The following OPTN variants were observed in gnomAD, a reference collection of about 807,000 sequenced individuals.
The protein encoded by OPTN is E3-14.7K-interacting protein.
OPTN carries 54 observed loss-of-function variants against 70.4 expected under a neutral mutation model. The ratio of observed to expected loss-of-function variants is 0.77; its 90% confidence interval spans 0.62 to 0.96. The LOEUF is 0.96. Ranked by LOEUF, OPTN falls within the 40% of genes least tolerant of loss-of-function variation. The probability of loss-of-function intolerance (pLI) is 0.00; values close to 1 mark genes in which losing one functional copy is unlikely to be tolerated. For synonymous variants in OPTN, 256 were observed against 248.5 expected (o/e 1.03, Z -0.28); for missense variants, 624 against 673.2 (o/e 0.93, Z 0.81).
chr10:13,119,648 C>T (rs568051324), intron 7 of OPTN, among the ~76,000 whole-genome samples: 3 of 152,160 alleles, frequency 2.0e-5, no homozygotes, highest in Non-Finnish European at 2.9e-5. Context: ...AAAGCAGCTG[C>T]GCCATTTTGC....
intron 5 of OPTN, among the ~76,000 whole-genome samples, chr10:13,115,440 A>AT (rs1160761575): frequency 5.8e-5 from 6 of 104,018 alleles, no homozygotes; most frequent in South Asian, 2.7e-4. Context: ...TATAGAATAT[A>AT]TATAATATAT....
At chr10:13,134,382 T>C (rs1833655339) in intron 14 of OPTN, among the ~76,000 whole-genome samples, 1 of 152,152 alleles carries the variant, frequency 6.6e-6, no homozygotes. Context: ...ACCTGTCTGC[T>C]ATTTTATAGG....
intron 1 of OPTN, chr10:13,104,927 G>A: frequency 3.7e-6 from 1 of 269,304 alleles, no homozygotes; most frequent in Non-Finnish European, 7.2e-6. Context: ...TGCAGTGGCT[G>A]CTGGTGGTAA....
intron 13 of OPTN, among the ~76,000 whole-genome samples, chr10:13,133,068 C>T (rs1833626666): frequency 6.6e-6 from 1 of 152,198 alleles, no homozygotes; most frequent in South Asian, 2.1e-4. Flanking sequence ...ATATCACATA[C>T]ACACTTACCT....
chr10:13,114,422 C>T (rs1249569116), intron 5 of OPTN, among the ~76,000 whole-genome samples: 4 of 151,924 alleles, frequency 2.6e-5, no homozygotes, highest in Admixed American at 6.6e-5. Context: ...TGTCAATAAC[C>T]GATAAGCTGC....
intron 6 of OPTN, chr10:13,116,577 T>A (rs947364173): frequency 7.1e-6 from 4 of 564,608 alleles, no homozygotes; most frequent in Non-Finnish European, 1.3e-5. Flanking sequence ...TCTAGTGGTG[T>A]CTCACCTCCA....
chr10:13,128,567 G>A (rs190652984), intron 12 of OPTN, among the ~76,000 whole-genome samples: 681 of 95,770 alleles, frequency 7.1e-3, no homozygotes, highest in Non-Finnish European at 9.2e-3. Context: ...TTTTGAGACA[G>A]AGTCTTGCTC....
At chr10:13,110,049 T>G in intron 3 of OPTN, 2 of 678,904 alleles carry the variant, frequency 2.9e-6, no homozygotes, top group Non-Finnish European at 4.7e-6. Flanking sequence ...CCAAATCCAC[T>G]TTATTTTCTT....
chr10:13,119,131 T>A, intron 7 of OPTN, 91 bp downstream of exon 7: 1 of 1,189,652 alleles, frequency 8.4e-7, no homozygotes, highest in South Asian at 1.3e-5. Flanking sequence ...CCATTTAAAG[T>A]ATACATTTCA....
chr10:13,100,782 A>G (rs4750310), intron 1 of OPTN, among the ~76,000 whole-genome samples: 28,617 of 152,138 alleles, frequency 0.19, 3,096 homozygotes, highest in East Asian at 0.3. Context: ...TACACTCTAT[A>G]TAGAGAGAAT....
chr10:13,118,483 G>C (rs1833268410), intron 6 of OPTN, among the ~76,000 whole-genome samples: 1 of 152,250 alleles, frequency 6.6e-6, no homozygotes, highest in Non-Finnish European at 1.5e-5. Context: ...AGAAAGGCCA[G>C]TGGTCTGTAC....
chr10:13,119,097 T>A, intron 7 of OPTN, 57 bp downstream of exon 7: 1 of 1,459,068 alleles, frequency 6.9e-7, no homozygotes, highest in South Asian at 1.2e-5. Flanking sequence ...TCCTGAGATA[T>A]AATTAAGATA....
chr10:13,111,468 T>C (rs1275616264), intron 4 of OPTN, among the ~76,000 whole-genome samples: 2 of 152,046 alleles, frequency 1.3e-5, no homozygotes, highest in Non-Finnish European at 1.5e-5. Context: ...GAGGCTAGGG[T>C]GGGCAGATCA....
chr10:13,122,531 G>C, intron 8 of OPTN, 44 bp downstream of exon 8: 1 of 1,257,048 alleles, frequency 8.0e-7, no homozygotes, highest in Non-Finnish European at 1.2e-6. Context: ...CCACACACAC[G>C]AGAGTAGTCC....
At position 13,137,178 on chromosome 10, in the gene OPTN, T is replaced by C; in HGVS notation, c.*312T>C. 1 of 426,724 alleles carries C rather than the reference T, an allele frequency of 2.3e-6. No homozygotes were observed. Among genetic ancestry groups the C allele is most frequent in the Non-Finnish European group, 4.4e-6 (1 of 225,718 alleles). 26.4% of individuals were successfully genotyped at this position (426,724 alleles called of 1,614,324 possible). On this transcript the variant is annotated 3_prime_UTR_variant, in exon 15 of 15. Coordinates refer to ENST00000378747, the MANE Select transcript of OPTN (RefSeq NM_001008212.2). ...CCTGTAGTCGCAGCTACTCGCGAGG[T>C]TGAGGCAGGAGAATTGCTTGAACCC...
chr10:13,126,115 TA>T, intron 11 of OPTN, 76 bp downstream of exon 11: 1 of 863,282 alleles, frequency 1.2e-6, no homozygotes, highest in Admixed American at 2.0e-5. Context: ...ATAAAATAGT[TA>T]CATGAATCCT....
At chr10:13,105,000 A>G (rs752951201) in intron 1 of OPTN, among the ~76,000 whole-genome samples, 1 of 152,050 alleles carries the variant, frequency 6.6e-6, no homozygotes, top group African/African-American at 2.4e-5. Flanking sequence ...GGATTTCACC[A>G]TGTTGGCTGG....
chr10:13,111,612 T>G (rs1311177219), intron 4 of OPTN, among the ~76,000 whole-genome samples: 1 of 151,818 alleles, frequency 6.6e-6, no homozygotes. Context: ...GCAGGAGAAT[T>G]GCTTAAACCC....
In OPTN at chr10:13,109,269, CG is replaced by C; in HGVS notation, c.148del (p.Glu50ArgfsTer5). 2.5e-6 allele frequency: 4 copies of C among 1,613,924 alleles called. No homozygotes were observed. The highest frequency in any genetic ancestry group is 2.5e-6 in the Non-Finnish European group (3 of 1,179,950). ...LLQQMKELLTENHQLKEAMKL... is the reference protein window; with the variant it reads ...LLQQMKELLTXNHQLKEAMKL... Reference sequence around the variant, plus strand: ...TGCAGCAGATGAAAGAGCTCCTGACCGAGAACCACCAGCTGAAAGGTGAGCA... The same window carrying C: ...TGCAGCAGATGAAAGAGCTCCTGACCAGAACCACCAGCTGAAAGGTGAGCA... On this transcript the variant is annotated frameshift_variant, in exon 3 of 15. Coordinates refer to ENST00000378747, the MANE Select transcript of OPTN (RefSeq NM_001008212.2). LOFTEE classifies it high-confidence loss of function.
Sources: allele counts gnomAD v4.1 joint callset (sites outside exome capture counted in the v4.1 genomes callset), GRCh38; gene constraint gnomAD v4.1.1; transcripts MANE v1.5; gene names NCBI Gene and HGNC (gene_info 2026-07-23, HGNC 2026-07-21).